SLC3A2: variants seen among roughly 807,000 people sequenced by gnomAD.
The protein encoded by SLC3A2 is amino acid transporter heavy chain SLC3A2.
In SLC3A2, 32 loss-of-function variants were observed where a neutral mutation model predicts 48.5. The ratio of observed to expected loss-of-function variants is 0.66; its 90% CI spans 0.50 to 0.89. SLC3A2 has a LOEUF of 0.89. Ranked by LOEUF, SLC3A2 falls within the 40% of genes least tolerant of loss-of-function variation. SLC3A2 has a pLI of 0.00. For synonymous variants in SLC3A2, 277 were observed against 288.8 expected, an observed-to-expected ratio of 0.96 and a Z score of 0.41; for missense variants, 587 against 680.7, an observed-to-expected ratio of 0.86 and a Z score of 1.53.
At chr11:62,857,343 TC>T (rs2085344654) in intron 1 of SLC3A2, among the ~76,000 whole-genome samples, 1 of 151,884 alleles carries the variant, frequency 6.6e-6, no homozygotes, top group Admixed American at 6.6e-5. Flanking sequence ...CAGGCTGCTC[TC>T]GAACTACTGA....
chr11:62,857,312 A>G (rs1041307051), intron 1 of SLC3A2, among the ~76,000 whole-genome samples: 5 of 151,482 alleles, frequency 3.3e-5, no homozygotes, highest in African/African-American at 1.2e-4. Flanking sequence ...TTTCGGAGAG[A>G]CGGGGTTTCA....
chr11:62,880,885 T>G, upstream of SLC3A2: 1 of 1,424,842 alleles, frequency 7.0e-7, no homozygotes, highest in Non-Finnish European at 9.2e-7. Context: ...AGGCCGCGCC[T>G]GCTGCTGAGC....
Position 62,881,092 on chromosome 11 carries a change from G to A in SLC3A2, c.69G>A (p.Pro23=). Residue 23 remains proline, a synonymous_variant, in exon 1 of 9, where the codon CCG becomes CCA. Transcript: ENST00000338663. The surrounding 1 kb of genome is among the most constrained non-coding windows in gnomAD (Gnocchi z 4.0). Reference sequence around the variant, plus strand: ...ATGAGTTAGAGCCCGAGAAGCAGCCGATGAACGCGGCGTCTGGGGCGGCCA... The same window carrying A: ...ATGAGTTAGAGCCCGAGAAGCAGCCAATGAACGCGGCGTCTGGGGCGGCCA... ...ELNELEPEKQ[P]MNAASGAAMS... is the part of the protein sequence containing the mutation. 1 of 1,609,464 alleles carries A rather than the reference G, an allele frequency of 6.2e-7. No homozygotes were observed. Among genetic ancestry groups the A allele is most frequent in the Non-Finnish European group, 8.5e-7 (1 of 1,177,972 alleles).
At chr11:62,882,375 T>G in intron 2 of SLC3A2, 5 of 328,474 alleles carry the variant, frequency 1.5e-5, no homozygotes, top group East Asian at 6.7e-5. Context: ...GGGGGGGGAA[T>G]CCCAAATATT....
chr11:62,875,188 G>C (rs933312322), intron 1 of SLC3A2, among the ~76,000 whole-genome samples: 1 of 152,146 alleles, frequency 6.6e-6, no homozygotes, highest in African/African-American at 2.4e-5. Context: ...GGAGGCTGTT[G>C]GACAGAGACA....
At chr11:62,868,935 G>C (rs1278200874) in intron 1 of SLC3A2, among the ~76,000 whole-genome samples, 1 of 150,054 alleles carries the variant, frequency 6.7e-6, no homozygotes, top group African/African-American at 2.5e-5. Context: ...GTCTCATTCT[G>C]TCGCCCAGGC....
intron 7 of SLC3A2, 89 bp from the exon 8 acceptor site, chr11:62,888,046 C>T: frequency 1.7e-6 from 2 of 1,202,828 alleles, no homozygotes; most frequent in Admixed American, 1.8e-5. Context: ...TCCTCTTGGC[C>T]TTGACCTCCC....
At chr11:62,858,165 G>A (rs1255728894) in intron 1 of SLC3A2, among the ~76,000 whole-genome samples, 2 of 152,140 alleles carry the variant, frequency 1.3e-5, no homozygotes, top group Non-Finnish European at 2.9e-5. Context: ...AGGATTCAAT[G>A]CTAACAAGTA....
At chr11:62,869,350 C>T (rs1365098304) in intron 1 of SLC3A2, among the ~76,000 whole-genome samples, 1 of 151,248 alleles carries the variant, frequency 6.6e-6, no homozygotes, top group Admixed American at 6.6e-5. Context: ...CGGTGAAACC[C>T]TGTCTCTACT....
Position 62,885,621 on chromosome 11 carries a change from G to A in SLC3A2, c.1143+13G>A. 6.2e-7 allele frequency: 1 copy of A among 1,613,810 alleles called. No individual in the cohort carries two copies. Among genetic ancestry groups the A allele is most frequent in the Non-Finnish European group, 8.5e-7 (1 of 1,179,800 alleles). On this transcript the variant is annotated intron_variant, in intron 7 of 8. Transcript: ENST00000338663. The stretch of plus-strand genomic sequence containing the variant: ...CCTTCCTGGACAGGTACTGCTTGCT[G>A]TCTTTCTGTCACAGGGAGGTTGTTT...
intron 7 of SLC3A2, among the ~76,000 whole-genome samples, chr11:62,885,996 G>C (rs1238570605): frequency 1.3e-5 from 2 of 152,154 alleles, no homozygotes; most frequent in Non-Finnish European, 2.9e-5. Context: ...AAGTGGAGAA[G>C]TACATGGCAG....
At chr11:62,861,288 A>G (rs766625092) in intron 1 of SLC3A2, among the ~76,000 whole-genome samples, 12 of 152,024 alleles carry the variant, frequency 7.9e-5, no homozygotes, top group Non-Finnish European at 1.8e-4. Flanking sequence ...GTGAGCTTTA[A>G]TTGTGCAACA....
intron 1 of SLC3A2, chr11:62,856,475 G>C: frequency 8.8e-7 from 1 of 1,132,892 alleles, no homozygotes; most frequent in Non-Finnish European, 1.3e-6. Flanking sequence ...ACTGAAGACA[G>C]GATCTGATTT....
At chr11:62,856,455 T>G in intron 1 of SLC3A2, 1 of 1,311,586 alleles carries the variant, frequency 7.6e-7, no homozygotes. Flanking sequence ...TGTCAGGACG[T>G]AAGTGCTTCA....
intron 5 of SLC3A2, 147 bp downstream of exon 5, chr11:62,884,837 T>G: frequency 1.7e-6 from 1 of 575,992 alleles, no homozygotes; most frequent in Non-Finnish European, 2.6e-6. Context: ...TTTTTTTTTT[T>G]TTTTTTTTTT....
chr11:62,860,481 C>T lies in SLC3A2; in HGVS notation c.112+4100C>T, dbSNP rs1004253788. 4.5e-4 allele frequency among the ~76,000 whole-genome samples: 69 copies of T among 151,878 alleles called. 4 individuals are homozygous for T. Among genetic ancestry groups the T allele is most frequent in the Non-Finnish European group, 4.4e-5 (3 of 67,980 alleles). On this transcript the variant is annotated intron_variant, in intron 1 of 9. Coordinates refer to the SLC3A2 transcript ENST00000377889. ...AAAAAAAAAAAAAAAGCAGTATTGC[C>T]GCCAGCATGTCTAACCTCCAGCCAT...
At chr11:62,861,910 CAAAAAAA>C (rs1189861840) in intron 1 of SLC3A2, among the ~76,000 whole-genome samples, 4 of 59,166 alleles carry the variant, frequency 6.8e-5, no homozygotes, top group Non-Finnish European at 1.1e-4. Context: ...AAACCTCTCT[CAAAAAAA>C]AAAAAAAAAA....
chr11:62,863,757 C>T (rs548958687), intron 1 of SLC3A2, among the ~76,000 whole-genome samples: 3 of 152,190 alleles, frequency 2.0e-5, no homozygotes, highest in Non-Finnish European at 2.9e-5. Flanking sequence ...TGGGGCAGTT[C>T]TGGATGCTTC....
At chr11:62,884,056 A>G (rs987152980) in intron 3 of SLC3A2, 1 of 460,976 alleles carries the variant, frequency 2.2e-6, no homozygotes. Flanking sequence ...CTCACTGATT[A>G]TGACTGTGGA....
Sources: gnomAD v4.1 joint callset for allele counts (sites outside exome capture counted in the v4.1 genomes callset) on GRCh38, gnomAD v4.1.1 for gene constraint, Gnocchi (gnomAD v3.1) non-coding constraint, MANE v1.5 for transcripts, NCBI Gene and HGNC (gene_info 2026-07-23, HGNC 2026-07-21) for gene names.